Variants in XKR6 observed in about 807,000 individuals in gnomAD.
The protein encoded by XKR6 is XK related 6, also known as XK-related protein 6.
XKR6 carries 22 observed loss-of-function variants against 56.7 expected under a neutral mutation model. The observed-to-expected ratio is 0.39, with a 90% CI of 0.28 to 0.55. XKR6 has a LOEUF of 0.55. Ranked by LOEUF, XKR6 falls within the 20% of genes least tolerant of loss-of-function variation. The pLI, the probability that XKR6 is intolerant of heterozygous loss-of-function variation, is 0.66. For missense variants in XKR6, 852 were observed against 889.0 expected (o/e 0.96, Z 0.53); for synonymous variants, 524 against 387.8 (o/e 1.35, Z -4.13).
chr8:11,024,185 G>C (rs1798808746), intron 1 of XKR6, among the ~76,000 whole-genome samples: 1 of 150,330 alleles, frequency 6.7e-6, no homozygotes, highest in Non-Finnish European at 1.5e-5. Context: ...CCTTGTTGCA[G>C]ACAACATACC....
intron 1 of XKR6, among the ~76,000 whole-genome samples, chr8:11,047,144 T>C (rs1799430339): frequency 6.6e-6 from 1 of 152,130 alleles, no homozygotes; most frequent in Non-Finnish European, 1.5e-5. Flanking sequence ...AGATCTTAAA[T>C]ATTCTCACAG....
At chr8:11,147,384 G>A (rs548306649) in intron 1 of XKR6, among the ~76,000 whole-genome samples, 8 of 152,172 alleles carry the variant, frequency 5.3e-5, no homozygotes, top group South Asian at 4.1e-4. Context: ...TATGGATGGC[G>A]GCCAGGCGCG....
intron 1 of XKR6, among the ~76,000 whole-genome samples, chr8:11,181,905 T>G (rs948764670): frequency 2.6e-5 from 4 of 152,020 alleles, no homozygotes; most frequent in African/African-American, 9.7e-5. Context: ...CAGGTTGGAG[T>G]GCAGTGGCGA....
intron 1 of XKR6, among the ~76,000 whole-genome samples, chr8:10,964,731 G>A (rs1260583596): frequency 1.3e-5 from 2 of 152,176 alleles, no homozygotes; most frequent in East Asian, 3.9e-4. Context: ...TCAGGGCAGG[G>A]GCCCCTCATC....
chr8:10,993,497 G>T (rs982182919), intron 1 of XKR6, among the ~76,000 whole-genome samples: 2 of 152,244 alleles, frequency 1.3e-5, no homozygotes, highest in Non-Finnish European at 2.9e-5. Context: ...GCTGAACACT[G>T]AGCGGGCCCA....
intron 1 of XKR6, chr8:11,062,983 T>C (rs967178949): frequency 8.1e-6 from 3 of 372,202 alleles, no homozygotes; most frequent in African/African-American, 6.4e-5. Context: ...AGATGGAGGA[T>C]GGAGGAGCCT....
intron 1 of XKR6, among the ~76,000 whole-genome samples, chr8:11,178,212 T>C (rs1454163554): frequency 1.3e-5 from 2 of 152,122 alleles, no homozygotes; most frequent in Non-Finnish European, 2.9e-5. Flanking sequence ...CCAGTCAAAC[T>C]AGTCATTTTG....
In XKR6 at chr8:10,897,311, T is replaced by C. The variant is rs1159494404; in HGVS notation, c.*641A>G. 2.0e-5 allele frequency: 3 copies of C among 152,616 alleles called. No individual in the cohort carries two copies. Among genetic ancestry groups the C allele is most frequent in the Non-Finnish European group, 4.4e-5 (3 of 68,046 alleles). The allele number at this position is 152,616 out of a possible 1,614,324, so 9.5% of individuals were successfully genotyped here. On this transcript the variant is annotated 3_prime_UTR_variant, in exon 3 of 3. Coordinates refer to ENST00000416569, the MANE Select transcript of XKR6 (RefSeq NM_173683.4). ...GTAAATTTGTTTTCTTCAATACAAA[T>C]AATCAGATAGGAAGAATAATTGCTT... is the stretch of plus-strand genomic sequence containing the variant.
At chr8:11,109,633 C>G (rs1049845793) in intron 1 of XKR6, 1 of 152,204 alleles carries the variant, frequency 6.6e-6, no homozygotes, top group Non-Finnish European at 1.5e-5. Flanking sequence ...CCCAACCCTA[C>G]CACCATTTTT....
intron 2 of XKR6, among the ~76,000 whole-genome samples, chr8:10,914,548 C>G (rs1387389225): frequency 6.6e-6 from 1 of 152,184 alleles, no homozygotes. Flanking sequence ...TACTGTGACT[C>G]CCCCAATGCT....
chr8:11,038,324 T>C (rs1760262875), intron 1 of XKR6, among the ~76,000 whole-genome samples: 1 of 152,202 alleles, frequency 6.6e-6, no homozygotes, highest in South Asian at 2.1e-4. Flanking sequence ...GCTCATTTTA[T>C]AGTTAAGGAG....
At chr8:11,164,993 G>A (rs73530537) in intron 1 of XKR6, among the ~76,000 whole-genome samples, 4,050 of 151,354 alleles carry the variant, frequency 0.027, 178 homozygotes, top group African/African-American at 0.093. Context: ...CAAAGAACCA[G>A]AGGTACCAAC....
At chr8:11,117,474 C>CA (rs536626654) in intron 1 of XKR6, among the ~76,000 whole-genome samples, 1,580 of 152,252 alleles carry the variant, frequency 0.01, 35 homozygotes, top group African/African-American at 0.037. Context: ...GTCTGAATGA[C>CA]GGCGTGGAGA....
intron 1 of XKR6, among the ~76,000 whole-genome samples, chr8:11,054,255 G>A (rs1208064554): frequency 6.6e-6 from 1 of 152,188 alleles, no homozygotes; most frequent in Non-Finnish European, 1.5e-5. Flanking sequence ...CCACATCTGG[G>A]CAGCAAGTGT....
At chr8:10,935,197 G>A (rs1358459706) in intron 1 of XKR6, among the ~76,000 whole-genome samples, 1 of 96,712 alleles carries the variant, frequency 1.0e-5, no homozygotes, top group South Asian at 3.1e-4. Flanking sequence ...AGAGGTGTTT[G>A]TAGTATTCTC....
At chr8:11,180,462 G>A (rs566883564) in intron 1 of XKR6, among the ~76,000 whole-genome samples, 11 of 152,372 alleles carry the variant, frequency 7.2e-5, no homozygotes, top group African/African-American at 2.6e-4. Flanking sequence ...CCCTCCAGCT[G>A]TGACAACCAG....
intron 1 of XKR6, among the ~76,000 whole-genome samples, chr8:11,101,064 G>C (rs946443047): frequency 6.6e-6 from 1 of 152,168 alleles, no homozygotes; most frequent in Non-Finnish European, 1.5e-5. Context: ...GCTTTGAAAA[G>C]CATACACACG....
intron 1 of XKR6, among the ~76,000 whole-genome samples, chr8:11,011,674 A>C (rs1239743752): frequency 6.6e-6 from 1 of 152,232 alleles, no homozygotes; most frequent in Non-Finnish European, 1.5e-5. Context: ...GAGCAGGGAA[A>C]GGGACAGGGA....
Position 11,192,776 on chromosome 8 carries a change from C to T in XKR6, c.764+7800G>A, listed in dbSNP as rs568077919. On this transcript the variant is annotated intron_variant, in intron 1 of 2. Coordinates refer to ENST00000416569, the MANE Select transcript of XKR6 (RefSeq NM_173683.4). The stretch of plus-strand genomic sequence containing the variant: ...TCTGATCCTGGAGTCTGTAGTAAGG[C>T]CTGGAATCCGCATGTTAATGGCCCC... Among the ~76,000 whole-genome samples the T allele has an allele frequency of 2.6e-5, 4 of 152,212 alleles. No individual in the cohort carries two copies. The South Asian group carries it at 8.3e-4, about 32-fold the overall frequency.
Sources: allele counts gnomAD v4.1 joint callset (sites outside exome capture counted in the v4.1 genomes callset), GRCh38; gene constraint gnomAD v4.1.1; transcripts MANE v1.5; gene names NCBI Gene and HGNC (gene_info 2026-07-23, HGNC 2026-07-21).